Variants in GLIS3 observed in about 807,000 individuals in gnomAD.
GLIS3 encodes the protein GLIS family zinc finger 3.
Under a neutral mutation model 78.6 loss-of-function variants are expected in GLIS3, and 53 were observed. That is an observed-to-expected ratio of 0.67 (90% CI 0.54 to 0.85). The LOEUF (loss-of-function observed/expected upper bound fraction) is 0.85. Ranked by LOEUF, GLIS3 falls within the 40% of genes least tolerant of loss-of-function variation. The pLI is 0.00. For synonymous variants in GLIS3, 684 were observed against 509.9 expected (o/e 1.34, Z -4.60); for missense variants, 1,703 against 1,231.1 (o/e 1.38, Z -5.74).
chr9:4,122,211 A>T (rs1161955033), intron 3 of GLIS3, among the ~76,000 whole-genome samples: 1 of 152,234 alleles, frequency 6.6e-6, no homozygotes. Context: ...GTTTGCTTCA[A>T]TGTCAAGCTC....
chr9:4,259,237 C>A (rs1006886811), intron 2 of GLIS3, among the ~76,000 whole-genome samples: 6 of 101,910 alleles, frequency 5.9e-5, no homozygotes, highest in African/African-American at 2.5e-4. Flanking sequence ...TCTCCAGTTG[C>A]TCATTTCATT....
intron 4 of GLIS3, among the ~76,000 whole-genome samples, chr9:3,964,224 A>T (rs1817764778): frequency 6.6e-6 from 1 of 152,118 alleles, no homozygotes; most frequent in Non-Finnish European, 1.5e-5. Flanking sequence ...TCTCTCACAT[A>T]GCCTTTTGTA....
chr9:4,115,483 G>C (rs1831568717), intron 4 of GLIS3, among the ~76,000 whole-genome samples: 1 of 152,120 alleles, frequency 6.6e-6, no homozygotes, highest in African/African-American at 2.4e-5. Flanking sequence ...CTATAAATAT[G>C]TGTTTTGCAA....
the GLIS3 span, among the ~76,000 whole-genome samples, chr9:4,383,006 T>G: frequency 6.6e-6 from 1 of 152,144 alleles, no homozygotes; most frequent in Non-Finnish European, 1.5e-5. Context: ...CTGTCTATTT[T>G]CCTAAAAGGA....
chr9:4,125,986 G>C lies in GLIS3; in HGVS notation c.389-45C>G, dbSNP rs201335094. 4.8e-5 allele frequency: 69 copies of C among 1,426,678 alleles called. No homozygotes were observed. In the East Asian group the frequency reaches 1.3e-3, roughly 28 times the overall value. 88.4% of individuals were successfully genotyped at this position (1,426,678 alleles called of 1,614,324 possible). A position where few individuals can be genotyped will look rare whatever the true frequency, so the allele number is the denominator to read the frequency against. ...GTTAGCTTTCATGTCCCTTACATCA[G>C]AAATCAGTAAATACAGACATGTGCA... is the stretch of plus-strand genomic sequence containing the variant. On this transcript the variant is annotated intron_variant, in intron 2 of 10. Coordinates refer to ENST00000381971, the MANE Select transcript of GLIS3 (RefSeq NM_001042413.2).
chr9:4,258,845 T>G (rs1056657529), intron 2 of GLIS3, among the ~76,000 whole-genome samples: 8 of 152,218 alleles, frequency 5.3e-5, no homozygotes, highest in Non-Finnish European at 2.9e-5. Context: ...TGCATTCTTT[T>G]CTTTCTTTTC....
At chr9:4,090,488 C>A (rs1359202742) in intron 4 of GLIS3, among the ~76,000 whole-genome samples, 2 of 151,852 alleles carry the variant, frequency 1.3e-5, no homozygotes, top group Non-Finnish European at 2.9e-5. Flanking sequence ...GCTCTCCAGG[C>A]AGAATCAAGT....
chr9:4,220,308 G>A (rs943976425), intron 2 of GLIS3, among the ~76,000 whole-genome samples: 4 of 152,160 alleles, frequency 2.6e-5, no homozygotes, highest in African/African-American at 4.8e-5. Context: ...AAAGTTTGAT[G>A]AGCAATAAGA....
At chr9:4,366,796 G>A in the GLIS3 span, among the ~76,000 whole-genome samples, 1 of 152,274 alleles carries the variant, frequency 6.6e-6, no homozygotes, top group African/African-American at 2.4e-5. Flanking sequence ...ACCACCAACT[G>A]CCATAACGGT....
At chr9:4,362,010 C>A in the GLIS3 span, among the ~76,000 whole-genome samples, 1 of 152,272 alleles carries the variant, frequency 6.6e-6, no homozygotes, top group Non-Finnish European at 1.5e-5. Flanking sequence ...AATTGATATC[C>A]TTTCCCTAGA....
chr9:4,103,222 G>A (rs1216198475), intron 4 of GLIS3, among the ~76,000 whole-genome samples: 1 of 152,110 alleles, frequency 6.6e-6, no homozygotes, highest in Non-Finnish European at 1.5e-5. Flanking sequence ...ATATAATTGT[G>A]TAATCTTAAA....
chr9:3,908,874 C>G (rs1239072815), intron 6 of GLIS3, among the ~76,000 whole-genome samples: 2 of 152,022 alleles, frequency 1.3e-5, no homozygotes, highest in Non-Finnish European at 2.9e-5. Context: ...GGGAAAAAGG[C>G]CCAGATTCTT....
At chr9:4,318,982 A>G (rs985358055) in intron 2 of GLIS3, among the ~76,000 whole-genome samples, 3 of 152,200 alleles carry the variant, frequency 2.0e-5, no homozygotes, top group African/African-American at 4.8e-5. Flanking sequence ...GCACAACCTG[A>G]ATCTAATCAT....
chr9:4,395,957 A>G, the GLIS3 span, among the ~76,000 whole-genome samples: 2 of 151,210 alleles, frequency 1.3e-5, no homozygotes, highest in African/African-American at 4.9e-5. Flanking sequence ...TATTTTTAGT[A>G]GAGACAGGGT....
intron 4 of GLIS3, among the ~76,000 whole-genome samples, chr9:4,114,859 A>G (rs1831513949): frequency 6.6e-6 from 1 of 151,834 alleles, no homozygotes; most frequent in African/African-American, 2.4e-5. Context: ...AAGGAAAAGA[A>G]CCCATTCTCT....
At chr9:4,415,774 C>T in the GLIS3 span, among the ~76,000 whole-genome samples, 1 of 149,558 alleles carries the variant, frequency 6.7e-6, no homozygotes, top group Non-Finnish European at 1.5e-5. Flanking sequence ...AGATCATATA[C>T]ATATTTTTTA....
chr9:4,427,081 G>T, the GLIS3 span, among the ~76,000 whole-genome samples: 1 of 152,178 alleles, frequency 6.6e-6, no homozygotes, highest in Non-Finnish European at 1.5e-5. Flanking sequence ...GAATGAAAGT[G>T]AATTATCCAT....
At chr9:3,895,964 A>G (rs1822801588) in intron 7 of GLIS3, among the ~76,000 whole-genome samples, 1 of 152,256 alleles carries the variant, frequency 6.6e-6, no homozygotes, top group African/African-American at 2.4e-5. Context: ...CCTGACAATC[A>G]TTAAACAAAT....
chr9:4,201,625 C>G (rs949611814), intron 2 of GLIS3, among the ~76,000 whole-genome samples: 2 of 151,980 alleles, frequency 1.3e-5, no homozygotes, highest in Non-Finnish European at 2.9e-5. Flanking sequence ...TAGAGCTAAC[C>G]AGGGAGCTAA....
Sources: allele counts gnomAD v4.1 joint callset (sites outside exome capture counted in the v4.1 genomes callset), GRCh38; gene constraint gnomAD v4.1.1; transcripts MANE v1.5; gene names NCBI Gene and HGNC (gene_info 2026-07-23, HGNC 2026-07-21).